STARD13: variants seen among roughly 807,000 people sequenced by gnomAD.
The protein encoded by STARD13 is stAR-related lipid transfer protein 13.
A neutral mutation model predicts 106.4 loss-of-function variants in STARD13; 62 were observed. The ratio of observed to expected loss-of-function variants is 0.58; its 90% CI spans 0.48 to 0.72. STARD13 has a LOEUF of 0.72. Among genes scored for constraint, STARD13 ranks in the 30% least tolerant of loss-of-function variants. STARD13 has a pLI of 0.00. For synonymous variants in STARD13, 565 were observed against 553.0 expected, an observed-to-expected ratio of 1.02 and a Z score of -0.31; for missense variants, 1,387 against 1,424.0, an observed-to-expected ratio of 0.97 and a Z score of 0.42.
chr13:33,665,698 A>G, the STARD13 span, among the ~76,000 whole-genome samples: 1 of 152,200 alleles, frequency 6.6e-6, no homozygotes, highest in East Asian at 1.9e-4. Flanking sequence ...TCTTCCAATA[A>G]TGAGGTGAAC....
At chr13:33,156,921 C>T (rs751532293) in intron 3 of STARD13, among the ~76,000 whole-genome samples, 1 of 152,078 alleles carries the variant, frequency 6.6e-6, no homozygotes, top group African/African-American at 2.4e-5. Context: ...ATCCTTCTCC[C>T]AATGACTTGC....
chr13:33,114,991 T>C (rs114414059), intron 8 of STARD13, among the ~76,000 whole-genome samples: 96 of 152,228 alleles, frequency 6.3e-4, no homozygotes, highest in African/African-American at 2.3e-3. Flanking sequence ...TAAGTGTGGA[T>C]AATTTGCAAT....
the STARD13 span, among the ~76,000 whole-genome samples, chr13:33,418,648 C>A: frequency 6.6e-6 from 1 of 152,266 alleles, no homozygotes; most frequent in African/African-American, 2.4e-5. Flanking sequence ...AAGTGGGTCC[C>A]TGACCCCCGT....
At position 33,343,577 on chromosome 13, in the gene STARD13, T is replaced by TAAAAAA. The variant is rs1292508834; in HGVS notation, c.124+6707_124+6712dup. Among the ~76,000 whole-genome samples the TAAAAAA allele has an allele frequency of 6.7e-3, 248 of 37,092 alleles. 15 individuals are homozygous for TAAAAAA. The highest frequency in any genetic ancestry group is 0.022 in the African/African-American group (194 of 8,674). 24.3% of individuals were successfully genotyped at this position (37,092 alleles called of 152,430 possible). ...TGGGCAACAGATTGAGACCCTGTCT[T>TAAAAAA]AAAAAAAAAAAAAAAAAAAACAAAT... On this transcript the variant is annotated intron_variant, in intron 1 of 5. Coordinates refer to the STARD13 transcript ENST00000567873.
Position 33,241,996 on chromosome 13 carries a change from C to T in STARD13, c.169+43474G>A, listed in dbSNP as rs577169865. On this transcript the variant is annotated intron_variant, in intron 1 of 13. Transcript: ENST00000336934. ...GAAGTGAGGAGCGTCTCTGCCTGGC[C>T]GCCCATGGTCTGGGGTGTGGGGAGC... 2.9e-3 allele frequency among the ~76,000 whole-genome samples: 438 copies of T among 152,186 alleles called. 1 individual carries two copies. The highest frequency in any genetic ancestry group is 9.5e-3 in the African/African-American group (396 of 41,518).
At chr13:33,119,989 G>T (rs1046778848) in intron 7 of STARD13, among the ~76,000 whole-genome samples, 2 of 152,134 alleles carry the variant, frequency 1.3e-5, no homozygotes, top group African/African-American at 4.8e-5. Flanking sequence ...ATCCATCTCC[G>T]ATTTGTTTAC....
At chr13:33,521,308 T>G in the STARD13 span, among the ~76,000 whole-genome samples, 1 of 152,066 alleles carries the variant, frequency 6.6e-6, no homozygotes, top group Non-Finnish European at 1.5e-5. Flanking sequence ...TACACTAGAT[T>G]GAAGAATTTG....
In STARD13 at chr13:33,249,850, C is replaced by T. The variant is rs146519274; in HGVS notation, c.169+35620G>A. Among the ~76,000 whole-genome samples, 97 of 152,194 alleles carry T rather than the reference C, an allele frequency of 6.4e-4. 1 individual carries two copies. Among genetic ancestry groups the T allele is most frequent in the African/African-American group, 2.2e-3 (92 of 41,522 alleles). On this transcript the variant is annotated intron_variant, in intron 1 of 13. Coordinates refer to ENST00000336934, the MANE Select transcript of STARD13 (RefSeq NM_178006.4). ...TGTCACCCAGGCCAGAGTGCAGTGG[C>T]GCCATCTCGGCTCACTGCAACCTCT...
the STARD13 span, among the ~76,000 whole-genome samples, chr13:33,506,204 G>A: frequency 6.6e-6 from 1 of 152,144 alleles, no homozygotes; most frequent in Non-Finnish European, 1.5e-5. Context: ...TAAGAAAGAA[G>A]CATTAAAGCA....
the STARD13 span, among the ~76,000 whole-genome samples, chr13:33,519,264 CTT>C: frequency 2.1e-5 from 3 of 143,458 alleles, no homozygotes; most frequent in South Asian, 6.7e-4. Context: ...TTCTTTCTTT[CTT>C]TCTTTCTTTT....
the STARD13 span, among the ~76,000 whole-genome samples, chr13:33,523,329 T>C: frequency 6.6e-6 from 1 of 152,156 alleles, no homozygotes; most frequent in East Asian, 1.9e-4. Context: ...ACCCTGCCCA[T>C]ATCTTGCTGA....
At chr13:33,153,538 G>C (rs1226501227) in intron 3 of STARD13, among the ~76,000 whole-genome samples, 1 of 152,138 alleles carries the variant, frequency 6.6e-6, no homozygotes, top group Non-Finnish European at 1.5e-5. Flanking sequence ...GGAGGTGCCC[G>C]GGCCCAGACC....
chr13:33,132,413 C>T (rs1593921247), intron 4 of STARD13, among the ~76,000 whole-genome samples: 1 of 152,226 alleles, frequency 6.6e-6, no homozygotes, highest in Non-Finnish European at 1.5e-5. Flanking sequence ...TTTTGCTTGG[C>T]TCTCTTTCTC....
At chr13:33,486,165 C>T in the STARD13 span, among the ~76,000 whole-genome samples, 1 of 152,050 alleles carries the variant, frequency 6.6e-6, no homozygotes, top group Non-Finnish European at 1.5e-5. Flanking sequence ...CCTGAAGTGT[C>T]CTCAAGAGCC....
chr13:33,117,172 A>G (rs1875506146), intron 8 of STARD13, among the ~76,000 whole-genome samples: 1 of 152,104 alleles, frequency 6.6e-6, no homozygotes, highest in Non-Finnish European at 1.5e-5. Context: ...GCAGTGGTGC[A>G]ATCTCCACTC....
chr13:33,634,803 T>C, the STARD13 span, among the ~76,000 whole-genome samples: 34 of 152,306 alleles, frequency 2.2e-4, no homozygotes, highest in Non-Finnish European at 4.6e-4. Context: ...CAACATTCAC[T>C]GGCCTCCAGG....
At chr13:33,372,025 A>ATC in the STARD13 span, among the ~76,000 whole-genome samples, 14 of 152,230 alleles carry the variant, frequency 9.2e-5, no homozygotes, top group Non-Finnish European at 1.0e-4. Context: ...CCCACTCTGA[A>ATC]TCTCTGTTCA....
chr13:33,239,554 T>C (rs1358592037), intron 1 of STARD13, among the ~76,000 whole-genome samples: 2 of 152,132 alleles, frequency 1.3e-5, no homozygotes, highest in Non-Finnish European at 2.9e-5. Context: ...TTTTGTTGTT[T>C]GTTTGTTTGT....
chr13:33,300,555 A>T (rs1407246363), intron 1 of STARD13, among the ~76,000 whole-genome samples: 1 of 152,188 alleles, frequency 6.6e-6, no homozygotes, highest in East Asian at 1.9e-4. Flanking sequence ...AACCTTGTTC[A>T]TTGATTCCTT....
Sources: gnomAD v4.1 joint callset for allele counts (sites outside exome capture counted in the v4.1 genomes callset) on GRCh38, gnomAD v4.1.1 for gene constraint, MANE v1.5 for transcripts, NCBI Gene and HGNC (gene_info 2026-07-23, HGNC 2026-07-21) for gene names.